Variants in TTC29 observed in about 807,000 individuals in gnomAD.
TTC29 encodes the protein tetratricopeptide repeat domain 29.
TTC29 carries 49 observed loss-of-function variants against 58.1 expected under a neutral mutation model. The ratio of observed to expected loss-of-function variants is 0.84; its 90% CI spans 0.67 to 1.07. The LOEUF is 1.07. Ranked by LOEUF, TTC29 falls within the 50% of genes least tolerant of loss-of-function variation. TTC29 has a pLI of 0.00. For synonymous variants in TTC29, 209 were observed against 196.8 expected (o/e 1.06, Z -0.52); for missense variants, 582 against 555.6 (o/e 1.05, Z -0.48).
At chr4:146,917,376 T>C (rs1318115962) in intron 4 of TTC29, among the ~76,000 whole-genome samples, 1 of 148,994 alleles carries the variant, frequency 6.7e-6, no homozygotes, top group Non-Finnish European at 1.5e-5. Context: ...TAATATTATG[T>C]TATGACTAAT....
chr4:146,928,907 GA>G (rs1735122267), intron 4 of TTC29, among the ~76,000 whole-genome samples: 1 of 152,082 alleles, frequency 6.6e-6, no homozygotes, highest in African/African-American at 2.4e-5. Flanking sequence ...AGCATACTTA[GA>G]AGAAAATTTA....
chr4:146,771,596 C>T (rs1418783455), intron 11 of TTC29, among the ~76,000 whole-genome samples: 1 of 151,996 alleles, frequency 6.6e-6, no homozygotes, highest in East Asian at 1.9e-4. Flanking sequence ...GATCTCATTC[C>T]TTTTCATGGT....
intron 8 of TTC29, among the ~76,000 whole-genome samples, chr4:146,843,318 T>C (rs1321728258): frequency 1.3e-5 from 2 of 152,200 alleles, no homozygotes; most frequent in Non-Finnish European, 2.9e-5. Flanking sequence ...TTGTAAATTA[T>C]AATACACAAA....
intron 11 of TTC29, among the ~76,000 whole-genome samples, chr4:146,789,234 G>A (rs541641940): frequency 3.3e-5 from 5 of 152,144 alleles, no homozygotes; most frequent in African/African-American, 9.7e-5. Flanking sequence ...GAACTATCAC[G>A]TATTCATGAA....
intron 10 of TTC29, 44 bp from the exon 11 acceptor site, chr4:146,803,729 C>T (rs771996739): frequency 1.3e-5 from 19 of 1,436,022 alleles, no homozygotes; most frequent in Non-Finnish European, 1.8e-5. Flanking sequence ...CTTTTAATGT[C>T]ACCATTTCAC....
intron 4 of TTC29, among the ~76,000 whole-genome samples, chr4:146,916,893 G>A (rs190901625): frequency 2.4e-4 from 36 of 151,396 alleles, no homozygotes; most frequent in Non-Finnish European, 4.4e-4. Context: ...TGTAAATAGG[G>A]CAGGTGGCAT....
intron 4 of TTC29, among the ~76,000 whole-genome samples, chr4:146,917,761 G>A (rs1299749099): frequency 2.7e-5 from 4 of 146,724 alleles, no homozygotes; most frequent in Admixed American, 1.4e-4. Flanking sequence ...AATTCTCCTT[G>A]TAAAGAGTCA....
At chr4:146,775,856 G>T (rs1307266908) in intron 11 of TTC29, among the ~76,000 whole-genome samples, 1 of 152,158 alleles carries the variant, frequency 6.6e-6, no homozygotes, top group Non-Finnish European at 1.5e-5. Flanking sequence ...TTTACAGGTT[G>T]CTTGCTTTCT....
chr4:146,929,000 C>T (rs1409738123), intron 4 of TTC29, among the ~76,000 whole-genome samples: 1 of 151,958 alleles, frequency 6.6e-6, no homozygotes, highest in African/African-American at 2.4e-5. Context: ...ATCCAAAAAG[C>T]ATAAAAGAGA....
chr4:146,787,745 T>C (rs1440075503), intron 11 of TTC29, among the ~76,000 whole-genome samples: 2 of 152,168 alleles, frequency 1.3e-5, no homozygotes, highest in East Asian at 3.9e-4. Flanking sequence ...TATAATGTCA[T>C]GTGTAGCAGG....
At chr4:146,867,175 C>G (rs1211893967) in intron 8 of TTC29, among the ~76,000 whole-genome samples, 1 of 152,092 alleles carries the variant, frequency 6.6e-6, no homozygotes, top group Admixed American at 6.6e-5. Context: ...TTGTTACTTA[C>G]TTTTTACCAT....
chr4:146,852,698 C>T (rs1306413967), intron 8 of TTC29, among the ~76,000 whole-genome samples: 1 of 152,202 alleles, frequency 6.6e-6, no homozygotes, highest in East Asian at 1.9e-4. Flanking sequence ...GTAGATAATG[C>T]AGTCTTGCAC....
intron 5 of TTC29, among the ~76,000 whole-genome samples, chr4:146,905,704 T>A (rs1389159615): frequency 6.6e-6 from 1 of 152,170 alleles, no homozygotes; most frequent in East Asian, 1.9e-4. Context: ...GTGGGTTTCT[T>A]ATGCTCCTTA....
intron 11 of TTC29, among the ~76,000 whole-genome samples, chr4:146,795,777 T>C (rs948156732): frequency 6.6e-6 from 1 of 152,166 alleles, no homozygotes; most frequent in Non-Finnish European, 1.5e-5. Context: ...AGAATTGTCC[T>C]AAGAAAGCCT....
intron 2 of TTC29, among the ~76,000 whole-genome samples, chr4:146,940,681 A>G (rs986308926): frequency 1.3e-5 from 2 of 152,218 alleles, no homozygotes; most frequent in African/African-American, 4.8e-5. Context: ...CTGGGACTCA[A>G]CTGGGGCTAT....
chr4:146,753,907 G>T (rs1476167310), intron 11 of TTC29, among the ~76,000 whole-genome samples: 1 of 151,912 alleles, frequency 6.6e-6, no homozygotes, highest in Admixed American at 6.6e-5. Context: ...ACTGTTGTGG[G>T]GTGGGGGAAG....
chr4:146,832,481 T>G (rs935382758), intron 9 of TTC29, among the ~76,000 whole-genome samples: 3 of 152,286 alleles, frequency 2.0e-5, no homozygotes, highest in East Asian at 3.9e-4. Context: ...CATACTCTCC[T>G]TCTTTTCCTT....
Position 146,790,220 on chromosome 4 carries a change from A to C in TTC29, c.1330+13237T>G, listed in dbSNP as rs375254219. ...TTCTTTTTTTTTGAGACGGAGTCTCACTCTGTCGCCCAGGCTGGAGTGCAG... is the reference window on the plus strand; with the variant it reads ...TTCTTTTTTTTTGAGACGGAGTCTCCCTCTGTCGCCCAGGCTGGAGTGCAG... On this transcript the variant is annotated intron_variant, in intron 11 of 12. Transcript: ENST00000325106. 7.7e-4 allele frequency among the ~76,000 whole-genome samples: 112 copies of C among 146,146 alleles called. 2 individuals are homozygous for C. The South Asian group carries it at 0.023, about 30-fold the overall frequency.
intron 11 of TTC29, among the ~76,000 whole-genome samples, chr4:146,709,051 C>A (rs1282016176): frequency 6.6e-6 from 1 of 152,110 alleles, no homozygotes; most frequent in Non-Finnish European, 1.5e-5. Flanking sequence ...GATCTATCTA[C>A]AAACGGAATC....
Sources: allele counts gnomAD v4.1 joint callset (sites outside exome capture counted in the v4.1 genomes callset), GRCh38; gene constraint gnomAD v4.1.1; transcripts MANE v1.5; gene names NCBI Gene and HGNC (gene_info 2026-07-23, HGNC 2026-07-21).